Variants in JARID2 observed in about 807,000 individuals in gnomAD.
JARID2 encodes jumonji and AT-rich interaction domain containing 2, also known as protein Jumonji.
In JARID2, 21 loss-of-function variants were observed where a neutral mutation model predicts 125.6. The observed-to-expected ratio is 0.17, with a 90% CI of 0.12 to 0.24. The LOEUF (loss-of-function observed/expected upper bound fraction) is 0.24. JARID2 is among the 10% of genes least tolerant of loss of function. JARID2 has a pLI of 1.00. For synonymous variants in JARID2, 736 were observed against 661.6 expected (o/e 1.11, Z -1.73); for missense variants, 1,303 against 1,639.6 (o/e 0.79, Z 3.55).
intron 3 of JARID2, among the ~76,000 whole-genome samples, chr6:15,413,001 TG>T (rs1561845223): frequency 6.0e-4 from 49 of 81,506 alleles, no homozygotes; most frequent in African/African-American, 2.1e-3. Context: ...GAAGAGCTTG[TG>T]TTTTTGTTTT....
chr6:15,256,873 A>G (rs1262590786), intron 1 of JARID2, among the ~76,000 whole-genome samples: 1 of 152,246 alleles, frequency 6.6e-6, no homozygotes, highest in African/African-American at 2.4e-5. Context: ...AATACATAGT[A>G]TACATTCTAG....
In JARID2 at chr6:15,501,320, C is replaced by T. The variant is rs761961082; in HGVS notation, c.2359C>T (p.Arg787Trp). 3.2e-5 allele frequency: 52 copies of T among 1,608,892 alleles called. No individual in the cohort carries two copies. Among genetic ancestry groups the T allele is most frequent in the Non-Finnish European group, 4.2e-5 (49 of 1,177,188 alleles). ...VGQAQLKTGRRRLFAQEKEVV... is the reference protein window; with the variant it reads ...VGQAQLKTGRWRLFAQEKEVV... ...CCAGGCCCAGTTGAAGACTGGCCGG[C>T]GGCGACTCTTCGCTCAGGAAAAAGA... Residue 787 changes from arginine (R) to tryptophan (W), a missense_variant, in exon 8 of 18, where the codon CGG (arginine) becomes TGG (tryptophan). Arg to Trp is a moderately radical substitution (Grantham distance 101, BLOSUM62 -3). Transcript: ENST00000341776.
At chr6:15,506,818 A>T (rs1771025984) in intron 9 of JARID2, among the ~76,000 whole-genome samples, 1 of 152,238 alleles carries the variant, frequency 6.6e-6, no homozygotes, top group Non-Finnish European at 1.5e-5. Flanking sequence ...GTTGAGTAAT[A>T]GGCCATGGTA....
At chr6:15,488,190 C>T (rs1581633778) in intron 6 of JARID2, among the ~76,000 whole-genome samples, 1 of 152,282 alleles carries the variant, frequency 6.6e-6, no homozygotes, top group East Asian at 1.9e-4. Flanking sequence ...CAGATAATGC[C>T]GGTTCTGGTG....
intron 1 of JARID2, among the ~76,000 whole-genome samples, chr6:15,251,870 C>T (rs781743739): frequency 1.3e-5 from 2 of 152,014 alleles, no homozygotes; most frequent in African/African-American, 2.4e-5. Context: ...CCCAGCTACT[C>T]GGGAGGCTGA....
intron 3 of JARID2, among the ~76,000 whole-genome samples, chr6:15,434,181 A>G (rs2299049): frequency 0.16 from 23,868 of 151,850 alleles, 2,037 homozygotes; most frequent in East Asian, 0.25. Context: ...GTTTTGTTGT[A>G]GATCAGAGAA....
intron 4 of JARID2, among the ~76,000 whole-genome samples, chr6:15,457,384 C>G (rs934222609): frequency 6.6e-6 from 1 of 152,136 alleles, no homozygotes; most frequent in Non-Finnish European, 1.5e-5. Flanking sequence ...GTGCTGATTC[C>G]AAAGCAAACA....
chr6:15,486,638 G>T (rs1482357165), intron 5 of JARID2, among the ~76,000 whole-genome samples: 3 of 152,148 alleles, frequency 2.0e-5, no homozygotes, highest in Non-Finnish European at 4.4e-5. Context: ...ATTAGCTATT[G>T]CTGTTTTTGA....
intron 9 of JARID2, among the ~76,000 whole-genome samples, chr6:15,504,840 T>C (rs1770919056): frequency 1.3e-5 from 2 of 152,042 alleles, no homozygotes; most frequent in African/African-American, 4.8e-5. Flanking sequence ...AGGGGACGGG[T>C]TCTGGGCACG....
chr6:15,436,269 A>G (rs1322665640), intron 3 of JARID2, among the ~76,000 whole-genome samples: 1 of 152,138 alleles, frequency 6.6e-6, no homozygotes, highest in African/African-American at 2.4e-5. Flanking sequence ...GCAAGGTTTT[A>G]TTGCATAGAA....
intron 3 of JARID2, among the ~76,000 whole-genome samples, chr6:15,416,587 CTG>C (rs1480997632): frequency 1.3e-5 from 2 of 152,084 alleles, no homozygotes; most frequent in South Asian, 2.1e-4. Context: ...ACTCGGCAGG[CTG>C]AGGCAGGAGA....
intron 1 of JARID2, among the ~76,000 whole-genome samples, chr6:15,366,513 G>A (rs2127502325): frequency 7.4e-6 from 1 of 135,488 alleles, no homozygotes; most frequent in Non-Finnish European, 1.6e-5. Context: ...GGGGGGCGGG[G>A]GGGGCGGGGG....
intron 1 of JARID2, among the ~76,000 whole-genome samples, chr6:15,333,148 G>T (rs1028509958): frequency 6.6e-6 from 1 of 151,742 alleles, no homozygotes; most frequent in Non-Finnish European, 1.5e-5. Flanking sequence ...TAGCCAGGAT[G>T]GTCTTGATCT....
chr6:15,388,981 G>A (rs1764898495), intron 2 of JARID2, among the ~76,000 whole-genome samples: 2 of 152,010 alleles, frequency 1.3e-5, no homozygotes, highest in South Asian at 4.2e-4. Flanking sequence ...TTCATGCTTG[G>A]TACTGCCATC....
intron 1 of JARID2, among the ~76,000 whole-genome samples, chr6:15,303,140 C>T (rs1164460327): frequency 6.6e-6 from 1 of 152,190 alleles, no homozygotes; most frequent in Admixed American, 6.5e-5. Context: ...TAAAGGTAGC[C>T]TACAGAATTT....
rs11291217 is a variant in JARID2 at position 15,265,366 on chromosome 6, T to TA, written c.45+18795dup. On this transcript the variant is annotated intron_variant, in intron 1 of 17. Transcript: ENST00000341776. ...CTGCATCCCAAACTTAGGTTTGCAT[T>TA]AAAAAAAAAAAAACAAAAAAAAACC... Among the ~76,000 whole-genome samples the TA allele has an allele frequency of 3.8e-3, 543 of 143,176 alleles. 1 individual carries two copies. Among genetic ancestry groups the TA allele is most frequent in the African/African-American group, 5.9e-3 (230 of 39,098 alleles). The allele number at this position is 143,176 out of a possible 152,430, so 93.9% of individuals were successfully genotyped here. A position where few individuals can be genotyped will look rare whatever the true frequency, so the allele number is the denominator to read the frequency against.
Position 15,246,426 on chromosome 6 carries a change from A to C in JARID2, c.-114A>C. 1.2e-6 allele frequency: 1 copy of C among 816,548 alleles called. No homozygotes were observed. The highest frequency in any genetic ancestry group is 2.3e-4 in the Middle Eastern group (1 of 4,322). The allele number at this position is 816,548 out of a possible 1,614,324, so 50.6% of individuals were successfully genotyped here. ...AGAGGAAGAAAAGTCGGATTACAAGATCAACCACCACCAACAACAATAAAA... is the reference window on the plus strand; with the variant it reads ...AGAGGAAGAAAAGTCGGATTACAAGCTCAACCACCACCAACAACAATAAAA... On this transcript the variant is annotated 5_prime_UTR_variant, in exon 1 of 18. Coordinates refer to ENST00000341776, the MANE Select transcript of JARID2 (RefSeq NM_004973.4).
At chr6:15,469,310 CTCTCTCTG>C (rs1768916655) in intron 5 of JARID2, among the ~76,000 whole-genome samples, 6 of 125,304 alleles carry the variant, frequency 4.8e-5, no homozygotes, top group African/African-American at 6.3e-5. Flanking sequence ...CTCTGTCTCT[CTCTCTCTG>C]TCTCTCTCTC....
At chr6:15,284,675 C>T (rs185685163) in intron 1 of JARID2, among the ~76,000 whole-genome samples, 48 of 151,914 alleles carry the variant, frequency 3.2e-4, no homozygotes, top group Middle Eastern at 3.4e-3. Context: ...TTAGTAGAGA[C>T]GGGGTTTTAC....
Sources: allele counts gnomAD v4.1 joint callset (sites outside exome capture counted in the v4.1 genomes callset), GRCh38; gene constraint gnomAD v4.1.1; transcripts MANE v1.5; gene names NCBI Gene and HGNC (gene_info 2026-07-23, HGNC 2026-07-21).